Variants in DOCK3 observed in about 807,000 individuals in gnomAD.
DOCK3 encodes dedicator of cytokinesis 3, also known as dedicator of cytokinesis protein 3.
A neutral mutation model predicts 265.6 loss-of-function variants in DOCK3; 60 were observed. That is an observed-to-expected ratio of 0.23 (90% CI 0.18 to 0.28). DOCK3 has a LOEUF of 0.28. DOCK3 is among the 10% of genes least tolerant of loss of function. DOCK3 has a pLI of 1.00. For synonymous variants in DOCK3, 881 were observed against 938.0 expected (o/e 0.94, Z 1.11); for missense variants, 1,981 against 2,594.3 (o/e 0.76, Z 5.14).
chr3:51,136,689 T>C (rs1576201755), intron 9 of DOCK3, among the ~76,000 whole-genome samples: 1 of 152,218 alleles, frequency 6.6e-6, no homozygotes, highest in East Asian at 1.9e-4. Context: ...ATGATAGAAG[T>C]TAGTGAATGT....
chr3:51,178,659 C>T (rs2087110376), intron 12 of DOCK3, among the ~76,000 whole-genome samples: 1 of 152,120 alleles, frequency 6.6e-6, no homozygotes, highest in Admixed American at 6.5e-5. Flanking sequence ...ATAGAAGAGT[C>T]ATTTCTTGCC....
In DOCK3 at chr3:51,362,647, A is replaced by G. The variant is rs944492487; in HGVS notation, c.5266A>G (p.Ile1756Val). ...CACTCACTCAGCACCATCCCAGATGATTACCTCTGCCCCTTCCAGTGCCCG... is the reference window on the plus strand; with the variant it reads ...CACTCACTCAGCACCATCCCAGATGGTTACCTCTGCCCCTTCCAGTGCCCG... ...SSTHSAPSQMITSAPSSARGS... is the reference protein window; with the variant it reads ...SSTHSAPSQMVTSAPSSARGS... The change falls in exon 49 of 53, where the codon ATT (isoleucine) becomes GTT (valine). Residue 1756 changes from isoleucine to valine, a missense_variant. Physicochemically the swap from Ile to Val is conservative, Grantham distance 29 (BLOSUM62 3). This residue lies in a region of DOCK3 where 1,357 missense variants were observed against 1,866.8 expected (regional missense o/e 0.73). Transcript: ENST00000266037. 4 of 1,613,638 alleles carry G rather than the reference A, an allele frequency of 2.5e-6. No individual in the cohort carries two copies. The highest frequency in any genetic ancestry group is 3.4e-6 in the Non-Finnish European group (4 of 1,179,842).
intron 5 of DOCK3, among the ~76,000 whole-genome samples, chr3:50,955,378 T>G (rs923571181): frequency 6.6e-6 from 1 of 152,148 alleles, no homozygotes; most frequent in Non-Finnish European, 1.5e-5. Flanking sequence ...TAAAGACACA[T>G]GCACACAAAT....
chr3:51,381,983 T>C lies in DOCK3; in HGVS notation c.*424T>C, dbSNP rs1184025707. ...AATGGAAATTGCACTAAGGACCTCT[T>C]CCTTTGCTGTATGGACAGAAGAGTT... On this transcript the variant is annotated 3_prime_UTR_variant, in exon 53 of 53. Transcript: ENST00000266037. This position sits in a 1 kb window ranked among gnomAD's most constrained non-coding sequence, Gnocchi z 5.6. 1 of 162,180 alleles carries C rather than the reference T, an allele frequency of 6.2e-6. No individual in the cohort carries two copies. The highest frequency in any genetic ancestry group is 1.9e-4 in the South Asian group (1 of 5,228). 10.0% of individuals were successfully genotyped at this position (162,180 alleles called of 1,614,324 possible).
chr3:50,948,335 G>C (rs1168553676), intron 5 of DOCK3, among the ~76,000 whole-genome samples: 1 of 150,224 alleles, frequency 6.7e-6, no homozygotes, highest in East Asian at 2.0e-4. Context: ...GATTACAGGC[G>C]TGAGCCACCG....
chr3:51,206,122 T>A (rs1447838728), intron 12 of DOCK3, among the ~76,000 whole-genome samples: 1 of 152,208 alleles, frequency 6.6e-6, no homozygotes, highest in Non-Finnish European at 1.5e-5. Context: ...TTAAGATAAA[T>A]CTAGTAATGA....
At chr3:50,700,981 G>A (rs571351923) in intron 1 of DOCK3, among the ~76,000 whole-genome samples, 6 of 152,176 alleles carry the variant, frequency 3.9e-5, no homozygotes, top group Non-Finnish European at 7.4e-5. Context: ...TTTGATAATA[G>A]CCATTCTAAC....
intron 3 of DOCK3, among the ~76,000 whole-genome samples, chr3:50,873,486 C>T (rs530416735): frequency 4.6e-5 from 7 of 152,284 alleles, no homozygotes; most frequent in African/African-American, 1.4e-4. Flanking sequence ...TCTGTTGGAG[C>T]TGCAAGCTGT....
chr3:50,711,560 C>T (rs2036773837), intron 1 of DOCK3, among the ~76,000 whole-genome samples: 1 of 152,128 alleles, frequency 6.6e-6, no homozygotes, highest in African/African-American at 2.4e-5. Context: ...CCGCGCCCGG[C>T]CCAGTCCTTT....
At chr3:51,307,814 G>A (rs938041192) in intron 27 of DOCK3, among the ~76,000 whole-genome samples, 13 of 149,514 alleles carry the variant, frequency 8.7e-5, no homozygotes, top group Non-Finnish European at 1.8e-4. Context: ...TTTTTTTTTA[G>A]CCATTCTCTG....
intron 3 of DOCK3, among the ~76,000 whole-genome samples, chr3:50,846,069 G>T: frequency 6.6e-6 from 1 of 152,262 alleles, no homozygotes; most frequent in South Asian, 2.1e-4. Flanking sequence ...ACATAAGAAC[G>T]TGATAATTCT....
At chr3:51,335,738 T>G (rs1181804134) in intron 35 of DOCK3, among the ~76,000 whole-genome samples, 5 of 152,212 alleles carry the variant, frequency 3.3e-5, no homozygotes, top group Non-Finnish European at 5.9e-5. Flanking sequence ...AAGCCTGTAA[T>G]CCCAGCACTG....
At chr3:50,702,307 G>T (rs977961155) in intron 1 of DOCK3, among the ~76,000 whole-genome samples, 2 of 151,884 alleles carry the variant, frequency 1.3e-5, no homozygotes, top group African/African-American at 4.8e-5. Flanking sequence ...ATTCCTAGGT[G>T]TTTTATTTTT....
At chr3:51,007,335 A>G (rs896400440) in intron 5 of DOCK3, among the ~76,000 whole-genome samples, 33 of 152,248 alleles carry the variant, frequency 2.2e-4, no homozygotes, top group Non-Finnish European at 3.8e-4. Context: ...GTGAGATTGT[A>G]TCTCATTGTG....
intron 2 of DOCK3, among the ~76,000 whole-genome samples, chr3:50,837,248 C>T (rs1576597162): frequency 6.6e-6 from 1 of 152,202 alleles, no homozygotes; most frequent in Non-Finnish European, 1.5e-5. Context: ...ACCCTACACT[C>T]TGCAGTACCA....
intron 5 of DOCK3, among the ~76,000 whole-genome samples, chr3:51,056,633 G>A (rs995581099): frequency 1.3e-5 from 2 of 152,054 alleles, no homozygotes; most frequent in African/African-American, 4.8e-5. Flanking sequence ...GATGAGTTTT[G>A]GAATATAAGA....
At chr3:50,708,796 T>A (rs2036576815) in intron 1 of DOCK3, among the ~76,000 whole-genome samples, 1 of 152,230 alleles carries the variant, frequency 6.6e-6, no homozygotes, top group Non-Finnish European at 1.5e-5. Context: ...CCTGGCTGGC[T>A]GCCTTGTTTT....
chr3:51,338,472 C>T, intron 36 of DOCK3, 53 bp downstream of exon 36: 1 of 1,540,876 alleles, frequency 6.5e-7, no homozygotes, highest in Non-Finnish European at 8.8e-7. Context: ...GGTTTCTGTC[C>T]TGCACTGTGA....
intron 2 of DOCK3, among the ~76,000 whole-genome samples, chr3:50,804,362 C>T (rs1048596066): frequency 3.3e-5 from 5 of 152,126 alleles, no homozygotes; most frequent in African/African-American, 7.2e-5. Context: ...GCTGCAATCT[C>T]GGCACTTTGG....
Sources: allele counts gnomAD v4.1 joint callset (sites outside exome capture counted in the v4.1 genomes callset), GRCh38; gene constraint gnomAD v4.1.1; regional missense constraint gnomAD v4.1.1; non-coding constraint Gnocchi (gnomAD v3.1); transcripts MANE v1.5; gene names NCBI Gene and HGNC (gene_info 2026-07-23, HGNC 2026-07-21).